FUCA2: variants seen among roughly 807,000 people sequenced by gnomAD.
FUCA2 encodes plasma alpha-L-fucosidase.
Under a neutral mutation model 52.6 loss-of-function variants are expected in FUCA2, and 41 were observed. The ratio of observed to expected loss-of-function variants is 0.78; its 90% CI spans 0.61 to 1.01. FUCA2 has a LOEUF of 1.01. Ranked by LOEUF, FUCA2 falls within the 50% of genes least tolerant of loss-of-function variation. FUCA2 has a pLI of 0.00. For synonymous variants in FUCA2, 211 were observed against 217.3 expected, an observed-to-expected ratio of 0.97 and a Z score of 0.26; for missense variants, 507 against 569.5, an observed-to-expected ratio of 0.89 and a Z score of 1.12.
chr6:143,504,033 G>C lies in FUCA2; in HGVS notation c.632C>G (p.Pro211Arg). Residue 211 changes from proline to arginine, a missense_variant, in exon 3 of 7, where the codon CCA becomes CGA. By Grantham distance (103) the Pro-to-Arg change is moderately radical. Transcript: ENST00000002165. This position sits in a 1 kb window ranked among gnomAD's most constrained non-coding sequence, Gnocchi z 4.4. ...GTTGTTCACTAACTCATAGAGCTCT[G>C]GCAATGTCTTAGAAACTGGAAATTG... Reference protein sequence around the residue: ...KRQFPVSKTLPELYELVNNYQ... With the variant: ...KRQFPVSKTLRELYELVNNYQ... The C allele has an allele frequency of 1.2e-6, 2 of 1,614,054 alleles. No individual in the cohort carries two copies. The highest frequency in any genetic ancestry group is 1.7e-6 in the Non-Finnish European group (2 of 1,179,994).
At position 143,509,166 on chromosome 6, in the gene FUCA2, C is replaced by G. The variant is rs891383597; in HGVS notation, c.225-1742G>C. 2.6e-5 allele frequency among the ~76,000 whole-genome samples: 4 copies of G among 152,130 alleles called. No homozygotes were observed. In the East Asian group the frequency reaches 5.8e-4, roughly 22 times the overall value. On this transcript the variant is annotated intron_variant, in intron 1 of 6. Coordinates refer to ENST00000002165, the MANE Select transcript of FUCA2 (RefSeq NM_032020.5). This position sits in a 1 kb window ranked among gnomAD's most constrained non-coding sequence, Gnocchi z 5.4. ...CTACAGTCTAGACTTGAATTTCATGCTGAGAGATGAAAAGAGGCATTTATG... is the reference window on the plus strand; with the variant it reads ...CTACAGTCTAGACTTGAATTTCATGGTGAGAGATGAAAAGAGGCATTTATG...
chr6:143,504,217 A>G lies in FUCA2; in HGVS notation c.448T>C (p.Trp150Arg), dbSNP rs138992263. ...TTGGGCCCCTCATCTATGGCATTCC[A>G]GTTCCACGAATATTCTGACCCCCAC... Reference protein sequence around the residue: ...TLWGSEYSWNWNAIDEGPKRD... With the variant: ...TLWGSEYSWNRNAIDEGPKRD... Residue 150 changes from tryptophan (W) to arginine (R), a missense_variant, in exon 3 of 7, where the codon TGG becomes CGG. By Grantham distance (101) the Trp-to-Arg change is moderately radical (BLOSUM62 -3). Transcript: ENST00000002165. The surrounding 1 kb of genome is among the most constrained non-coding windows in gnomAD (Gnocchi z 4.4). The G allele has an allele frequency of 3.8e-5, 62 of 1,614,078 alleles. No individual in the cohort carries two copies. The African/African-American group carries it at 7.1e-4, about 18-fold the overall frequency.
In FUCA2 at chr6:143,503,559, A is replaced by G. The variant is rs996178317; in HGVS notation, c.752+354T>C. On this transcript the variant is annotated intron_variant, in intron 3 of 6. Coordinates refer to ENST00000002165, the MANE Select transcript of FUCA2 (RefSeq NM_032020.5). The surrounding 1 kb of genome is among the most constrained non-coding windows in gnomAD (Gnocchi z 4.8). ...CAGTCTGCGGGATTCAGAAGCAAATAGTCAGAAATAGTGATGAAGAAACAG... is the reference window on the plus strand; with the variant it reads ...CAGTCTGCGGGATTCAGAAGCAAATGGTCAGAAATAGTGATGAAGAAACAG... The G allele has an allele frequency of 1.8e-5, 3 of 170,448 alleles. No individual in the cohort carries two copies. The allele number at this position is 170,448 out of a possible 1,614,324, so 10.6% of individuals were successfully genotyped here.
At position 143,503,738 on chromosome 6, in the gene FUCA2, C is replaced by A; in HGVS notation, c.752+175G>T. On this transcript the variant is annotated intron_variant, in intron 3 of 6. Transcript: ENST00000002165. This position sits in a 1 kb window ranked among gnomAD's most constrained non-coding sequence, Gnocchi z 4.8. ...TGGATTTTACTCCTGATTTATTTAC[C>A]CTTGATTATGTTGAGTAAATAGTGA... is the stretch of plus-strand genomic sequence containing the variant. 2 of 533,122 alleles carry A rather than the reference C, an allele frequency of 3.8e-6. No homozygotes were observed. The highest frequency in any genetic ancestry group is 3.5e-5 in the Admixed American group (1 of 28,754). The allele number at this position is 533,122 out of a possible 1,614,324, so 33.0% of individuals were successfully genotyped here. A position where few individuals can be genotyped will look rare whatever the true frequency, so the allele number is the denominator to read the frequency against.
chr6:143,504,211 C>T lies in FUCA2; in HGVS notation c.454G>A (p.Ala152Thr). The change falls in exon 3 of 7, where the codon GCC (alanine) becomes ACC (threonine). Residue 152 changes from alanine (A) to threonine (T), a missense_variant. Physicochemically the swap from Ala to Thr is moderately conservative, Grantham distance 58. Coordinates refer to ENST00000002165, the MANE Select transcript of FUCA2 (RefSeq NM_032020.5). This position sits in a 1 kb window ranked among gnomAD's most constrained non-coding sequence, Gnocchi z 4.4. ...WGSEYSWNWN[A>T]IDEGPKRDIV... ...TCCCTCTTGGGCCCCTCATCTATGGCATTCCAGTTCCACGAATATTCTGAC... is the reference window on the plus strand; with the variant it reads ...TCCCTCTTGGGCCCCTCATCTATGGTATTCCAGTTCCACGAATATTCTGAC... 1 of 1,614,138 alleles carries T rather than the reference C, an allele frequency of 6.2e-7. No individual in the cohort carries two copies. Among genetic ancestry groups the T allele is most frequent in the Non-Finnish European group, 8.5e-7 (1 of 1,180,002 alleles).
At position 143,502,522 on chromosome 6, in the gene FUCA2, C is replaced by T. The variant is rs1474749366; in HGVS notation, c.796G>A (p.Gly266Ser). ...AAGCCACCATGCTTACAGATGCTAC[C>T]AGCTCCCCAACGATCATTGGTGACT... ...TVVTNDRWGA[G>S]SICKHGGFYT... The change falls in exon 4 of 7, where the codon GGT becomes AGT. Residue 266 changes from glycine (G) to serine (S), a missense_variant. Gly to Ser is a moderately conservative substitution (Grantham distance 56). Coordinates refer to ENST00000002165, the MANE Select transcript of FUCA2 (RefSeq NM_032020.5). This position sits in a 1 kb window ranked among gnomAD's most constrained non-coding sequence, Gnocchi z 4.1. 2 of 1,614,112 alleles carry T rather than the reference C, an allele frequency of 1.2e-6. No individual in the cohort carries two copies. Among genetic ancestry groups the T allele is most frequent in the Non-Finnish European group, 1.7e-6 (2 of 1,179,964 alleles).
chr6:143,497,638 C>A lies in FUCA2; in HGVS notation c.1155-141G>T. 1.8e-6 allele frequency: 1 copy of A among 559,100 alleles called. No individual in the cohort carries two copies. Among genetic ancestry groups the A allele is most frequent in the South Asian group, 2.3e-5 (1 of 42,796 alleles). The allele number at this position is 559,100 out of a possible 1,614,324, so 34.6% of individuals were successfully genotyped here. On this transcript the variant is annotated intron_variant, in intron 5 of 6. Coordinates refer to ENST00000002165, the MANE Select transcript of FUCA2 (RefSeq NM_032020.5). The surrounding 1 kb of genome is among the most constrained non-coding windows in gnomAD (Gnocchi z 5.3). ...CTAATAGAAGGGAAGGAAAAATAGC[C>A]TCATGGTGGTATAAAAAAACACCTT... is the stretch of plus-strand genomic sequence containing the variant.
At position 143,504,494 on chromosome 6, in the gene FUCA2, T is replaced by C; in HGVS notation, c.413-242A>G. 2.2e-6 allele frequency: 1 copy of C among 457,978 alleles called. No homozygotes were observed. 28.4% of individuals were successfully genotyped at this position (457,978 alleles called of 1,614,324 possible). ...TTTCAGGGTATATCACTGTACGGTC[T>C]GATCTATCTCCAGTATTTTCCCTCT... On this transcript the variant is annotated intron_variant, in intron 2 of 6. Transcript: ENST00000002165. This position sits in a 1 kb window ranked among gnomAD's most constrained non-coding sequence, Gnocchi z 4.4.
rs569248171 is a variant in FUCA2 at position 143,499,851 on chromosome 6, G to A, written c.1154+2081C>T. 2.0e-5 allele frequency among the ~76,000 whole-genome samples: 3 copies of A among 152,282 alleles called. No homozygotes were observed. In the South Asian group the frequency reaches 6.2e-4, roughly 32 times the overall value. ...TGTAGCAAGGAATTAGAGATAGCAA[G>A]TGAAAACAATCCTTTCAAGACGTTT... On this transcript the variant is annotated intron_variant, in intron 5 of 6. Coordinates refer to ENST00000002165, the MANE Select transcript of FUCA2 (RefSeq NM_032020.5). This position sits in a 1 kb window ranked among gnomAD's most constrained non-coding sequence, Gnocchi z 6.0.
chr6:143,511,688 C>G lies in FUCA2; in HGVS notation c.-54G>C. ...GCAGGCTCCCGCGGCCTCGGGAGCG[C>G]TGTTCTTCCGTCTCTGCCGCTGAGT... On this transcript the variant is annotated 5_prime_UTR_variant, in exon 1 of 7. Coordinates refer to ENST00000002165, the MANE Select transcript of FUCA2 (RefSeq NM_032020.5). This position sits in a 1 kb window ranked among gnomAD's most constrained non-coding sequence, Gnocchi z 6.3. 7.1e-7 allele frequency: 1 copy of G among 1,405,866 alleles called. No individual in the cohort carries two copies. Among genetic ancestry groups the G allele is most frequent in the Non-Finnish European group, 9.3e-7 (1 of 1,073,600 alleles). 87.1% of individuals were successfully genotyped at this position (1,405,866 alleles called of 1,614,324 possible).
rs899089245 is a variant in FUCA2, at chr6:143,499,180, C to T, written c.1155-1683G>A. On this transcript the variant is annotated intron_variant, in intron 5 of 6. Coordinates refer to ENST00000002165, the MANE Select transcript of FUCA2 (RefSeq NM_032020.5). This position sits in a 1 kb window ranked among gnomAD's most constrained non-coding sequence, Gnocchi z 6.0. ...GTAGGAAGTTATTGAGGCTGGAGTT[C>T]GGAAAGAGGTCTGCACTGGAAATAG... 1.3e-5 allele frequency among the ~76,000 whole-genome samples: 2 copies of T among 152,070 alleles called. No homozygotes were observed. Among genetic ancestry groups the T allele is most frequent in the Non-Finnish European group, 2.9e-5 (2 of 68,024 alleles).
At position 143,502,173 on chromosome 6, in the gene FUCA2, A is replaced by C. The variant is rs1353099499; in HGVS notation, c.964-51T>G. ...AGATAAATAAAATAATTCCATCTTT[A>C]ATGTGCTAATATGTTGCATTTATAT... is the stretch of plus-strand genomic sequence containing the variant. On this transcript the variant is annotated intron_variant, in intron 4 of 6. Transcript: ENST00000002165. The surrounding 1 kb of genome is among the most constrained non-coding windows in gnomAD (Gnocchi z 4.1). The C allele has an allele frequency of 6.9e-7, 1 of 1,451,532 alleles. No individual in the cohort carries two copies. Among genetic ancestry groups the C allele is most frequent in the Non-Finnish European group, 9.4e-7 (1 of 1,068,594 alleles). 89.9% of individuals were successfully genotyped at this position (1,451,532 alleles called of 1,614,324 possible). A position where few individuals can be genotyped will look rare whatever the true frequency, so the allele number is the denominator to read the frequency against.
Position 143,504,284 on chromosome 6 carries a change from A to C in FUCA2, c.413-32T>G, listed in dbSNP as rs1780570871. On this transcript the variant is annotated intron_variant, in intron 2 of 6. Coordinates refer to ENST00000002165, the MANE Select transcript of FUCA2 (RefSeq NM_032020.5). This position sits in a 1 kb window ranked among gnomAD's most constrained non-coding sequence, Gnocchi z 4.4. ...AATTATAGTGAAAACCCTTGTAAGCATGTCAACTTTATTTTAGTAAATTTC... is the reference window on the plus strand; with the variant it reads ...AATTATAGTGAAAACCCTTGTAAGCCTGTCAACTTTATTTTAGTAAATTTC... 1 of 1,550,368 alleles carries C rather than the reference A, an allele frequency of 6.5e-7. No homozygotes were observed. The highest frequency in any genetic ancestry group is 8.8e-7 in the Non-Finnish European group (1 of 1,142,344).
Position 143,497,525 on chromosome 6 carries a change from T to C in FUCA2, c.1155-28A>G. On this transcript the variant is annotated intron_variant, in intron 5 of 6. Coordinates refer to ENST00000002165, the MANE Select transcript of FUCA2 (RefSeq NM_032020.5). This position sits in a 1 kb window ranked among gnomAD's most constrained non-coding sequence, Gnocchi z 5.3. ...GGTTAAAAGAAAAAAATAAAGAGCA[T>C]AGTAGCAAGTTACATCCCATGTTTC... The C allele has an allele frequency of 8.1e-7, 1 of 1,235,732 alleles. No homozygotes were observed. The highest frequency in any genetic ancestry group is 1.2e-6 in the Non-Finnish European group (1 of 843,556). The allele number at this position is 1,235,732 out of a possible 1,614,324, so 76.5% of individuals were successfully genotyped here.
At position 143,495,530 on chromosome 6, in the gene FUCA2, A is replaced by C; in HGVS notation, c.*177T>G. 1 of 557,680 alleles carries C rather than the reference A, an allele frequency of 1.8e-6. No homozygotes were observed. The highest frequency in any genetic ancestry group is 1.9e-5 in the African/African-American group (1 of 53,714). 34.5% of individuals were successfully genotyped at this position (557,680 alleles called of 1,614,324 possible). On this transcript the variant is annotated 3_prime_UTR_variant, in exon 7 of 7. Coordinates refer to ENST00000002165, the MANE Select transcript of FUCA2 (RefSeq NM_032020.5). This position sits in a 1 kb window ranked among gnomAD's most constrained non-coding sequence, Gnocchi z 5.2. ...AATGGCAAAGTGCACTGGAGAGTTA[A>C]AATGGTTACATGGGTAATTTAAGAA...
rs756335415 is a variant in FUCA2 at position 143,507,359 on chromosome 6, C to T, written c.290G>A (p.Ser97Asn). The T allele has an allele frequency of 3.1e-6, 5 of 1,609,194 alleles. No homozygotes were observed. Among genetic ancestry groups the T allele is most frequent in the Non-Finnish European group, 4.2e-6 (5 of 1,178,974 alleles). Residue 97 changes from serine (S) to asparagine (N), a missense_variant, in exon 2 of 7, where the codon AGT becomes AAT. Physicochemically the swap from Ser to Asn is conservative, Grantham distance 46 (BLOSUM62 1). Coordinates refer to ENST00000002165, the MANE Select transcript of FUCA2 (RefSeq NM_032020.5). The surrounding 1 kb of genome is among the most constrained non-coding windows in gnomAD (Gnocchi z 4.5). ...TGGTCCAAAATCTTCATATTTGAAA[C>T]TAGGAGGGTAATTATCTTTCATAAA... ...VEFMKDNYPP[S>N]FKYEDFGPLF...
At position 143,502,923 on chromosome 6, in the gene FUCA2, A is replaced by G; in HGVS notation, c.753-358T>C. 1 of 172,984 alleles carries G rather than the reference A, an allele frequency of 5.8e-6. No homozygotes were observed. Among genetic ancestry groups the G allele is most frequent in the Non-Finnish European group, 1.2e-5 (1 of 80,140 alleles). The allele number at this position is 172,984 out of a possible 1,614,324, so 10.7% of individuals were successfully genotyped here. On this transcript the variant is annotated intron_variant, in intron 3 of 6. Transcript: ENST00000002165. The surrounding 1 kb of genome is among the most constrained non-coding windows in gnomAD (Gnocchi z 4.1). ...AGCTCCCTTCCATATTGTAAATGGT[A>G]GCCAAAACTGAATTTATACCCAAGA...
chr6:143,509,061 G>A lies in FUCA2; in HGVS notation c.225-1637C>T, dbSNP rs924671311. ...TTACATTTTAAATTGAACTGCAAAA[G>A]AGAAACTGGGACATTCAGAAAGTTG... On this transcript the variant is annotated intron_variant, in intron 1 of 6. Transcript: ENST00000002165. This position sits in a 1 kb window ranked among gnomAD's most constrained non-coding sequence, Gnocchi z 5.4. Among the ~76,000 whole-genome samples, 2 of 152,082 alleles carry A rather than the reference G, an allele frequency of 1.3e-5. No individual in the cohort carries two copies. The highest frequency in any genetic ancestry group is 1.3e-4 in the Admixed American group (2 of 15,278).
At chr6:143,498,267 C>T (rs993923565) in intron 5 of FUCA2, among the ~76,000 whole-genome samples, 66 of 126,548 alleles carry the variant, frequency 5.2e-4, no homozygotes, top group Non-Finnish European at 8.0e-4. Flanking sequence ...GAGCTATATA[C>T]AACATTGAAC....
Sources: allele counts gnomAD v4.1 joint callset (sites outside exome capture counted in the v4.1 genomes callset), GRCh38; gene constraint gnomAD v4.1.1; non-coding constraint Gnocchi (gnomAD v3.1); transcripts MANE v1.5; gene names NCBI Gene and HGNC (gene_info 2026-07-23, HGNC 2026-07-21).